Variants in SLIT3 observed in about 807,000 individuals in gnomAD.
SLIT3 encodes slit guidance ligand 3.
In SLIT3, 68 loss-of-function variants were observed where a neutral mutation model predicts 184.0. The ratio of observed to expected loss-of-function variants is 0.37; its 90% CI spans 0.30 to 0.45. The LOEUF is 0.45. Ranked by LOEUF, SLIT3 falls within the 20% of genes least tolerant of loss-of-function variation. SLIT3 has a pLI of 1.00. For missense variants in SLIT3, 1,707 were observed against 2,026.0 expected, an observed-to-expected ratio of 0.84 and a Z score of 3.02; for synonymous variants, 831 against 828.6, an observed-to-expected ratio of 1.00 and a Z score of -0.05.
intron 12 of SLIT3, among the ~76,000 whole-genome samples, chr5:168,777,064 A>AACACACAC (rs556884651): frequency 1.5e-5 from 1 of 65,820 alleles, no homozygotes; most frequent in South Asian, 6.6e-4. Flanking sequence ...AATTTCATAC[A>AACACACAC]ACACACACAC....
intron 6 of SLIT3, among the ~76,000 whole-genome samples, chr5:168,827,612 G>T (rs1757746752): frequency 1.3e-5 from 2 of 152,066 alleles, no homozygotes; most frequent in South Asian, 4.1e-4. Context: ...TCCATCTCAG[G>T]ATCCTTAATG....
At chr5:168,767,188 G>A (rs1271678427) in intron 14 of SLIT3, among the ~76,000 whole-genome samples, 3 of 152,186 alleles carry the variant, frequency 2.0e-5, no homozygotes, top group Non-Finnish European at 2.9e-5. Context: ...GCAATGGTTG[G>A]GCTCCTGGTT....
At chr5:169,249,856 G>C (rs769497188) in intron 2 of SLIT3, among the ~76,000 whole-genome samples, 2 of 152,246 alleles carry the variant, frequency 1.3e-5, no homozygotes, top group Non-Finnish European at 2.9e-5. Flanking sequence ...GTGGTGAGAG[G>C]AGAGTGTTTG....
At chr5:169,229,096 CAGAG>C (rs917077527) in intron 3 of SLIT3, among the ~76,000 whole-genome samples, 1 of 150,846 alleles carries the variant, frequency 6.6e-6, no homozygotes, top group Admixed American at 6.6e-5. Flanking sequence ...GAGACAGAGA[CAGAG>C]AGAGAGAGAG....
At chr5:168,972,968 A>G (rs112010693) in intron 4 of SLIT3, among the ~76,000 whole-genome samples, 3,958 of 152,286 alleles carry the variant, frequency 0.026, 67 homozygotes, top group Middle Eastern at 0.048. Context: ...GTAAAAGCAG[A>G]GATGAAGTGT....
At chr5:168,684,128 G>T in intron 31 of SLIT3, 32 bp from the exon 32 acceptor site, 7 of 1,536,584 alleles carry the variant, frequency 4.6e-6, no homozygotes, top group South Asian at 1.3e-5. Context: ...TGTTAGTAAG[G>T]GCTTACCTGA....
intron 5 of SLIT3, among the ~76,000 whole-genome samples, chr5:168,860,552 G>A (rs1005797329): frequency 6.6e-6 from 1 of 152,078 alleles, no homozygotes; most frequent in Non-Finnish European, 1.5e-5. Flanking sequence ...TGGCAGGGGA[G>A]AGAGACTGCC....
intron 8 of SLIT3, among the ~76,000 whole-genome samples, chr5:168,807,770 G>A (rs867864226): frequency 6.6e-6 from 1 of 152,160 alleles, no homozygotes; most frequent in African/African-American, 2.4e-5. Flanking sequence ...TTTGGCCCCT[G>A]TTCACTGGAG....
chr5:168,917,191 A>G (rs918168595), intron 4 of SLIT3, among the ~76,000 whole-genome samples: 2 of 152,242 alleles, frequency 1.3e-5, no homozygotes, highest in Non-Finnish European at 1.5e-5. Context: ...ACTTGAAAAG[A>G]ATCAGAAATC....
chr5:169,287,403 C>T (rs530559887), intron 1 of SLIT3, among the ~76,000 whole-genome samples: 16 of 152,082 alleles, frequency 1.1e-4, no homozygotes, highest in African/African-American at 3.9e-4. Flanking sequence ...GATGTGGTCC[C>T]TCTTCTGTCT....
At chr5:168,767,229 TAA>T (rs1453444864) in intron 14 of SLIT3, among the ~76,000 whole-genome samples, 1 of 152,056 alleles carries the variant, frequency 6.6e-6, no homozygotes, top group African/African-American at 2.4e-5. Context: ...GACGAGGTAA[TAA>T]GAGTCACACC....
At chr5:168,876,812 G>A (rs183184463) in intron 5 of SLIT3, among the ~76,000 whole-genome samples, 1 of 152,246 alleles carries the variant, frequency 6.6e-6, no homozygotes, top group African/African-American at 2.4e-5. Context: ...TAGACTGTGA[G>A]TTCTTCGGAT....
At chr5:168,679,640 T>C (rs1176369468) in intron 32 of SLIT3, among the ~76,000 whole-genome samples, 1 of 152,096 alleles carries the variant, frequency 6.6e-6, no homozygotes, top group Non-Finnish European at 1.5e-5. Flanking sequence ...GACCACTAGG[T>C]GGCGATAGAG....
At chr5:169,142,062 AAAATAAAAATAAAAATAAAAATAAAT>A (rs1761763108) in intron 4 of SLIT3, among the ~76,000 whole-genome samples, 1 of 88,398 alleles carries the variant, frequency 1.1e-5, no homozygotes, top group Non-Finnish European at 2.0e-5. Context: ...AAAAAAAATA[AAAATAAAAATAAAAATAAAAATAAAT>A]AAATAAATAA....
chr5:168,985,117 A>G (rs1468685155), intron 4 of SLIT3, among the ~76,000 whole-genome samples: 1 of 152,208 alleles, frequency 6.6e-6, no homozygotes, highest in Non-Finnish European at 1.5e-5. Flanking sequence ...CTCTAAGATC[A>G]GGGATGTTCA....
At chr5:169,277,831 C>T (rs1430721629) in intron 1 of SLIT3, among the ~76,000 whole-genome samples, 2 of 152,154 alleles carry the variant, frequency 1.3e-5, no homozygotes, top group Non-Finnish European at 2.9e-5. Flanking sequence ...AAGAAACTGC[C>T]TTACTGTTTT....
At chr5:169,203,517 C>T (rs1352555540) in intron 3 of SLIT3, among the ~76,000 whole-genome samples, 1 of 152,214 alleles carries the variant, frequency 6.6e-6, no homozygotes, top group African/African-American at 2.4e-5. Context: ...TTCCCCATGA[C>T]ATCTCACAAT....
At position 168,696,282 on chromosome 5, in the gene SLIT3, A is replaced by T; in HGVS notation, c.3082+10T>A. ...CCACCCCACCATACATACAGTCATG[A>T]GATCCTTACCTGTGTAGTTAGGCGG... is the stretch of plus-strand genomic sequence containing the variant. On this transcript the variant is annotated intron_variant, in intron 28 of 35. Transcript: ENST00000519560. The T allele has an allele frequency of 6.2e-7, 1 of 1,614,158 alleles. No individual in the cohort carries two copies. The highest frequency in any genetic ancestry group is 8.5e-7 in the Non-Finnish European group (1 of 1,180,014).
At chr5:168,847,599 T>C (rs905482530) in intron 5 of SLIT3, among the ~76,000 whole-genome samples, 2 of 152,164 alleles carry the variant, frequency 1.3e-5, no homozygotes, top group African/African-American at 4.8e-5. Flanking sequence ...TAAAACAAAG[T>C]AAATACACAC....
Sources: allele counts gnomAD v4.1 joint callset (sites outside exome capture counted in the v4.1 genomes callset), GRCh38; gene constraint gnomAD v4.1.1; transcripts MANE v1.5; gene names NCBI Gene and HGNC (gene_info 2026-07-23, HGNC 2026-07-21).